RXFP1: variants seen among roughly 807,000 people sequenced by gnomAD.
RXFP1 encodes relaxin family peptide receptor 1.
In RXFP1, 73 loss-of-function variants were observed where a neutral mutation model predicts 89.8. The ratio of observed to expected loss-of-function variants is 0.81; its 90% CI spans 0.67 to 0.99. The LOEUF is 0.99. Among genes scored for constraint, RXFP1 ranks in the 50% least tolerant of loss-of-function variants. RXFP1 has a pLI of 0.00. For missense variants in RXFP1, 793 were observed against 895.5 expected, an observed-to-expected ratio of 0.89 and a Z score of 1.46; for synonymous variants, 277 against 305.5, an observed-to-expected ratio of 0.91 and a Z score of 0.97.
intron 5 of RXFP1, among the ~76,000 whole-genome samples, chr4:158,606,361 GA>G (rs1762534737): frequency 6.6e-6 from 1 of 152,084 alleles, no homozygotes; most frequent in South Asian, 2.1e-4. Context: ...ATTAATTCCT[GA>G]ATGACCAATT....
chr4:158,531,891 C>T (rs868278377), intron 1 of RXFP1, among the ~76,000 whole-genome samples: 21 of 150,486 alleles, frequency 1.4e-4, no homozygotes, highest in African/African-American at 4.9e-4. Flanking sequence ...CTTTAAAATG[C>T]AATCTGGGTT....
chr4:158,572,555 T>C (rs1256972187), intron 1 of RXFP1, 143 bp from the exon 2 acceptor site: 2 of 747,036 alleles, frequency 2.7e-6, no homozygotes, highest in Non-Finnish European at 4.5e-6. Flanking sequence ...TGAAGGTTCC[T>C]AGAAAATAAC....
intron 3 of RXFP1, among the ~76,000 whole-genome samples, chr4:158,594,538 A>G (rs2150072397): frequency 6.6e-6 from 1 of 152,298 alleles, no homozygotes; most frequent in Admixed American, 6.5e-5. Flanking sequence ...GCCTAAAATA[A>G]ATAGTGCTTT....
intron 2 of RXFP1, among the ~76,000 whole-genome samples, chr4:158,584,634 A>G (rs1412035166): frequency 6.6e-6 from 1 of 152,130 alleles, no homozygotes; most frequent in African/African-American, 2.4e-5. Flanking sequence ...AAGTCCCTCA[A>G]CCAAACATCA....
At chr4:158,539,521 T>G (rs1746093430) in intron 1 of RXFP1, among the ~76,000 whole-genome samples, 1 of 152,032 alleles carries the variant, frequency 6.6e-6, no homozygotes, top group Admixed American at 6.6e-5. Flanking sequence ...TGGAAAGGTT[T>G]GGAGATGAGG....
chr4:158,577,332 C>T (rs1281582679), intron 2 of RXFP1, among the ~76,000 whole-genome samples: 1 of 152,152 alleles, frequency 6.6e-6, no homozygotes, highest in Non-Finnish European at 1.5e-5. Flanking sequence ...CCCACCGCAC[C>T]TGATCGGCTG....
At chr4:158,568,943 CATAATT>C (rs1214817493) in intron 1 of RXFP1, among the ~76,000 whole-genome samples, 2 of 152,252 alleles carry the variant, frequency 1.3e-5, no homozygotes, top group African/African-American at 2.4e-5. Flanking sequence ...CTTATTTCTT[CATAATT>C]ATAAGTATTC....
intron 1 of RXFP1, among the ~76,000 whole-genome samples, chr4:158,543,023 C>T (rs763849339): frequency 6.6e-5 from 10 of 152,074 alleles, no homozygotes; most frequent in Non-Finnish European, 1.3e-4. Context: ...GGTTTAGTAA[C>T]TGGGTAACAA....
intron 1 of RXFP1, among the ~76,000 whole-genome samples, chr4:158,547,398 G>A (rs1043524416): frequency 2.0e-5 from 3 of 151,832 alleles, no homozygotes; most frequent in Non-Finnish European, 2.9e-5. Flanking sequence ...TTCAAAAAAC[G>A]AGCTCCTGGA....
At chr4:158,544,189 G>A (rs551971597) in intron 1 of RXFP1, 28 of 984,826 alleles carry the variant, frequency 2.8e-5, no homozygotes, top group Admixed American at 6.2e-5. Context: ...CAAATGAACC[G>A]CAAGTCTGAG....
intron 9 of RXFP1, among the ~76,000 whole-genome samples, chr4:158,621,412 G>A (rs993296236): frequency 6.6e-6 from 1 of 152,178 alleles, no homozygotes; most frequent in Non-Finnish European, 1.5e-5. Flanking sequence ...ATATTGTATG[G>A]TAAAGAGAGG....
At chr4:158,629,647 A>C (rs1466060066) in intron 11 of RXFP1, among the ~76,000 whole-genome samples, 1 of 151,846 alleles carries the variant, frequency 6.6e-6, no homozygotes, top group East Asian at 1.9e-4. Flanking sequence ...TTTTTCTAGT[A>C]CCAGGGTGTC....
At chr4:158,527,917 GT>G (rs1448478971) in intron 1 of RXFP1, among the ~76,000 whole-genome samples, 1 of 152,056 alleles carries the variant, frequency 6.6e-6, no homozygotes, top group African/African-American at 2.4e-5. Context: ...AATTTCATAT[GT>G]AGGACAAAAA....
chr4:158,568,281 G>A (rs1036636724), intron 1 of RXFP1, among the ~76,000 whole-genome samples: 4 of 152,106 alleles, frequency 2.6e-5, no homozygotes, highest in African/African-American at 4.8e-5. Flanking sequence ...CACCAATTCC[G>A]GACACAATAC....
chr4:158,537,299 C>T (rs1745499762), intron 1 of RXFP1, among the ~76,000 whole-genome samples: 2 of 152,142 alleles, frequency 1.3e-5, no homozygotes, highest in Non-Finnish European at 2.9e-5. Context: ...TTAACTATCT[C>T]TTCCTTTCAT....
chr4:158,638,098 G>T lies in RXFP1; in HGVS notation c.1043+19G>T. ...AGTCTCTGTAAGTATTCACATATGG[G>T]GATAGTTTTATGATAAAATTGTTTT... On this transcript the variant is annotated intron_variant, in intron 13 of 17. Coordinates refer to ENST00000307765, the MANE Select transcript of RXFP1 (RefSeq NM_021634.4). 7.0e-7 allele frequency: 1 copy of T among 1,424,886 alleles called. No individual in the cohort carries two copies. The allele number at this position is 1,424,886 out of a possible 1,614,324, so 88.3% of individuals were successfully genotyped here.
intron 8 of RXFP1, among the ~76,000 whole-genome samples, chr4:158,615,781 CA>C (rs534617957): frequency 0.037 from 5,419 of 145,298 alleles, 287 homozygotes; most frequent in African/African-American, 0.13. Context: ...CCATCTCTAC[CA>C]AAAAAAAAAA....
At chr4:158,559,615 C>A (rs551851899) in intron 1 of RXFP1, among the ~76,000 whole-genome samples, 1 of 152,032 alleles carries the variant, frequency 6.6e-6, no homozygotes, top group African/African-American at 2.4e-5. Flanking sequence ...GACAAGCATC[C>A]GTGAGTTATA....
intron 1 of RXFP1, among the ~76,000 whole-genome samples, chr4:158,567,030 C>T (rs144370271): frequency 1.0e-3 from 158 of 152,316 alleles, no homozygotes; most frequent in Admixed American, 2.2e-3. Flanking sequence ...GTGGCCAGCA[C>T]TCGGAGTGGC....
Sources: allele counts gnomAD v4.1 joint callset (sites outside exome capture counted in the v4.1 genomes callset), GRCh38; gene constraint gnomAD v4.1.1; transcripts MANE v1.5; gene names NCBI Gene and HGNC (gene_info 2026-07-23, HGNC 2026-07-21).